Variants in OPCML observed in about 807,000 individuals in gnomAD.
OPCML encodes the protein opioid binding protein/cell adhesion molecule like, also known as opioid-binding protein/cell adhesion molecule.
A neutral mutation model predicts 37.8 loss-of-function variants in OPCML; 13 were observed. That is an observed-to-expected ratio of 0.34 (90% CI 0.22 to 0.55). The LOEUF (loss-of-function observed/expected upper bound fraction) is 0.55, where lower values mean the gene tolerates loss of function less well. OPCML is among the 20% of genes least tolerant of loss of function. The probability of loss-of-function intolerance (pLI) is 0.91; values close to 1 mark genes in which losing one functional copy is unlikely to be tolerated. For synonymous variants in OPCML, 176 were observed against 168.8 expected, an observed-to-expected ratio of 1.04 and a Z score of -0.33; for missense variants, 341 against 435.6, an observed-to-expected ratio of 0.78 and a Z score of 1.93.
chr11:132,660,156 A>T (rs1370408673), intron 2 of OPCML, among the ~76,000 whole-genome samples: 1 of 152,166 alleles, frequency 6.6e-6, no homozygotes, highest in East Asian at 1.9e-4. Flanking sequence ...CCCTTTTTTT[A>T]AATGCCGTAG....
chr11:133,226,491 G>A (rs1165832707), intron 1 of OPCML, among the ~76,000 whole-genome samples: 6 of 152,136 alleles, frequency 3.9e-5, no homozygotes, highest in Non-Finnish European at 8.8e-5. Flanking sequence ...ATTCCATCCC[G>A]ACATGGCGGT....
At chr11:132,672,306 TAAAG>T (rs1467910773) in intron 2 of OPCML, among the ~76,000 whole-genome samples, 1 of 152,200 alleles carries the variant, frequency 6.6e-6, no homozygotes, top group East Asian at 1.9e-4. Flanking sequence ...TAATGAATAA[TAAAG>T]AAATACTTAC....
intron 1 of OPCML, among the ~76,000 whole-genome samples, chr11:133,042,173 T>C (rs1947914761): frequency 6.6e-6 from 1 of 152,206 alleles, no homozygotes; most frequent in Non-Finnish European, 1.5e-5. Flanking sequence ...CTCCTGGCAC[T>C]GCACAGCTGC....
intron 3 of OPCML, among the ~76,000 whole-genome samples, chr11:132,642,431 C>G (rs2135725572): frequency 6.6e-6 from 1 of 151,076 alleles, no homozygotes; most frequent in East Asian, 1.9e-4. Flanking sequence ...AGGTATCACA[C>G]ATAAACACAC....
At chr11:132,925,130 A>G (rs1235894025) in intron 2 of OPCML, among the ~76,000 whole-genome samples, 2 of 152,148 alleles carry the variant, frequency 1.3e-5, no homozygotes, top group Non-Finnish European at 2.9e-5. Flanking sequence ...TCTTTCTTAG[A>G]ATTTCCATCT....
intron 1 of OPCML, among the ~76,000 whole-genome samples, chr11:133,391,464 G>T (rs1201477675): frequency 6.6e-6 from 1 of 152,124 alleles, no homozygotes; most frequent in Non-Finnish European, 1.5e-5. Context: ...GAAGTATTAG[G>T]AAGCAAAAAG....
In OPCML at chr11:132,621,556, C is replaced by A. The variant is rs528047497; in HGVS notation, c.379+35531G>T. ...GGAAGCTGCACACAAATGAGTACCT[C>A]CTAGATGAATCCATTTATATGAAGC... On this transcript the variant is annotated intron_variant, in intron 3 of 7. Coordinates refer to ENST00000524381, the MANE Select transcript of OPCML (RefSeq NM_001012393.5). 1.2e-3 allele frequency among the ~76,000 whole-genome samples: 182 copies of A among 152,152 alleles called. 1 individual carries two copies. Among genetic ancestry groups the A allele is most frequent in the African/African-American group, 4.1e-3 (171 of 41,490 alleles).
At chr11:133,507,984 A>G (rs77394956) in intron 1 of OPCML, among the ~76,000 whole-genome samples, 2,900 of 152,152 alleles carry the variant, frequency 0.019, 94 homozygotes, top group African/African-American at 0.066. Flanking sequence ...CTCAGAGCCA[A>G]TAATGCAAGC....
At chr11:133,265,679 C>T (rs1032735256) in intron 1 of OPCML, among the ~76,000 whole-genome samples, 1 of 152,148 alleles carries the variant, frequency 6.6e-6, no homozygotes, top group African/African-American at 2.4e-5. Flanking sequence ...TCCCTCCTCC[C>T]GTCTGGGAGT....
chr11:132,678,939 G>A (rs776029776), intron 2 of OPCML, among the ~76,000 whole-genome samples: 16 of 152,250 alleles, frequency 1.1e-4, no homozygotes, highest in Non-Finnish European at 2.2e-4. Context: ...CACTCCGGTG[G>A]GGGTGGTGAT....
intron 1 of OPCML, among the ~76,000 whole-genome samples, chr11:133,434,645 A>G (rs1946193482): frequency 1.3e-5 from 2 of 151,954 alleles, no homozygotes; most frequent in South Asian, 4.2e-4. Flanking sequence ...TACACAGGCT[A>G]AAAAGGTGGT....
chr11:132,673,452 G>C (rs1344970228), intron 2 of OPCML, among the ~76,000 whole-genome samples: 1 of 152,106 alleles, frequency 6.6e-6, no homozygotes, highest in Non-Finnish European at 1.5e-5. Context: ...ACTATTTTCA[G>C]GAGTGAGAAT....
At chr11:133,516,421 ACACT>A (rs1421604705) in intron 1 of OPCML, among the ~76,000 whole-genome samples, 1 of 152,110 alleles carries the variant, frequency 6.6e-6, no homozygotes, top group Non-Finnish European at 1.5e-5. Flanking sequence ...CTGGGGGGAC[ACACT>A]CACACCACCG....
At chr11:132,554,880 T>TTTTTG (rs2096391188) in intron 3 of OPCML, among the ~76,000 whole-genome samples, 2 of 139,504 alleles carry the variant, frequency 1.4e-5, no homozygotes, top group African/African-American at 5.3e-5. Context: ...TTTTTTTTTT[T>TTTTTG]TTTTTTTTTT....
rs576789293 is a variant in OPCML, at chr11:132,603,024, C to T, written c.379+54063G>A. Among the ~76,000 whole-genome samples the T allele has an allele frequency of 3.3e-5, 5 of 152,256 alleles. No individual in the cohort carries two copies. In the East Asian group the frequency reaches 7.7e-4, roughly 24 times the overall value. ...GTGTCCTCTCCTTCTTAGGCTTCTG[C>T]GTTTTCCTCATTTCTACAAAACTTG... On this transcript the variant is annotated intron_variant, in intron 3 of 7. Transcript: ENST00000524381.
intron 1 of OPCML, among the ~76,000 whole-genome samples, chr11:133,465,711 T>C (rs1023219701): frequency 6.6e-6 from 1 of 152,192 alleles, no homozygotes; most frequent in Admixed American, 6.5e-5. Flanking sequence ...GTTCCTCCAC[T>C]CGTTAGCTGA....
intron 1 of OPCML, among the ~76,000 whole-genome samples, chr11:133,514,501 C>T (rs1948221709): frequency 6.6e-6 from 1 of 152,198 alleles, no homozygotes; most frequent in African/African-American, 2.4e-5. Flanking sequence ...TAAATCATTG[C>T]AGGGAGATAC....
intron 3 of OPCML, among the ~76,000 whole-genome samples, chr11:132,627,863 A>G (rs1367231064): frequency 6.6e-6 from 1 of 152,208 alleles, no homozygotes; most frequent in African/African-American, 2.4e-5. Flanking sequence ...TAACTTTGGG[A>G]AGAAGAGTTT....
At chr11:132,931,562 A>G (rs1458547743) in intron 2 of OPCML, among the ~76,000 whole-genome samples, 1 of 152,240 alleles carries the variant, frequency 6.6e-6, no homozygotes, top group African/African-American at 2.4e-5. Context: ...GCATATCAAC[A>G]TCACTAATCA....
Sources: gnomAD v4.1 joint callset for allele counts (sites outside exome capture counted in the v4.1 genomes callset) on GRCh38, gnomAD v4.1.1 for gene constraint, MANE v1.5 for transcripts, NCBI Gene and HGNC (gene_info 2026-07-23, HGNC 2026-07-21) for gene names.